DDX4: variants seen among roughly 807,000 people sequenced by gnomAD.
DDX4 encodes the protein DEAD-box helicase 4, also known as probable ATP-dependent RNA helicase DDX4.
DDX4 carries 25 observed loss-of-function variants against 100.0 expected under a neutral mutation model. The ratio of observed to expected loss-of-function variants is 0.25; its 90% CI spans 0.18 to 0.35. The LOEUF (loss-of-function observed/expected upper bound fraction) is 0.35. Ranked by LOEUF, DDX4 falls within the 10% of genes least tolerant of loss-of-function variation. The pLI, the probability that DDX4 is intolerant of heterozygous loss-of-function variation, is 1.00. For missense variants in DDX4, 635 were observed against 882.4 expected, an observed-to-expected ratio of 0.72 and a Z score of 3.55; for synonymous variants, 259 against 275.7, an observed-to-expected ratio of 0.94 and a Z score of 0.60.
At position 55,780,017 on chromosome 5, in the gene DDX4, AGAGGTAGTTTCC is replaced by A; in HGVS notation, c.454_465del (p.Ser152_Gly155del). On this transcript the variant is annotated inframe_deletion, in exon 8 of 22. Coordinates refer to ENST00000505374, the MANE Select transcript of DDX4 (RefSeq NM_024415.3). ...TTCAGGGCCATACAGAAGAGGTGGA[AGAGGTAGTTTCC>A]GAGGTTGCCGTGGAGGATTTGGTCT... The A allele has an allele frequency of 6.2e-7, 1 of 1,614,078 alleles. No individual in the cohort carries two copies.
intron 3 of DDX4, among the ~76,000 whole-genome samples, chr5:55,748,604 A>G (rs1759372310): frequency 6.6e-6 from 1 of 152,154 alleles, no homozygotes; most frequent in African/African-American, 2.4e-5. Context: ...ACCTTCTTCT[A>G]GATAACAAGT....
rs566501505 is a variant in DDX4, at chr5:55,750,110, C to T, written c.127+3889C>T. ...GTCGATTTGCTGTTGTATTTGTCTA[C>T]TTTTTTATATTAATAATTATAAACT... is the stretch of plus-strand genomic sequence containing the variant. On this transcript the variant is annotated intron_variant, in intron 3 of 21. Coordinates refer to ENST00000505374, the MANE Select transcript of DDX4 (RefSeq NM_024415.3). The T allele has an allele frequency of 2.6e-3, 400 of 153,730 alleles. 3 individuals are homozygous for T. Among genetic ancestry groups the T allele is most frequent in the African/African-American group, 9.3e-3 (385 of 41,546 alleles). The allele number at this position is 153,730 out of a possible 1,614,324, so 9.5% of individuals were successfully genotyped here.
chr5:55,779,903 T>C (rs1037696448), intron 7 of DDX4, 61 bp from the exon 8 acceptor site: 3 of 1,559,626 alleles, frequency 1.9e-6, no homozygotes, highest in Non-Finnish European at 2.6e-6. Flanking sequence ...AATTTGACCA[T>C]GTCCCCAAGA....
At chr5:55,760,418 A>G in intron 4 of DDX4, 141 bp downstream of exon 4, 1 of 836,732 alleles carries the variant, frequency 1.2e-6, no homozygotes, top group Non-Finnish European at 1.7e-6. Context: ...TGAGTTCATC[A>G]TTTTTCCAAG....
intron 6 of DDX4, among the ~76,000 whole-genome samples, chr5:55,764,699 G>A (rs762094325): frequency 2.0e-5 from 3 of 152,136 alleles, no homozygotes; most frequent in African/African-American, 7.2e-5. Flanking sequence ...ACACTTTAGG[G>A]TGCCAAACTT....
chr5:55,760,935 G>A (rs959196952), intron 4 of DDX4, among the ~76,000 whole-genome samples: 3 of 152,118 alleles, frequency 2.0e-5, no homozygotes, highest in Non-Finnish European at 4.4e-5. Context: ...TTTAGGGGAT[G>A]CCATAGCGAG....
At chr5:55,782,341 A>C in intron 10 of DDX4, 1 of 193,910 alleles carries the variant, frequency 5.2e-6, no homozygotes. Context: ...GCGGTGGCTC[A>C]TGCCTGTAAT....
chr5:55,786,747 T>C, intron 14 of DDX4, 77 bp downstream of exon 14: 3 of 1,181,736 alleles, frequency 2.5e-6, no homozygotes, highest in Non-Finnish European at 3.7e-6. Context: ...GTTTCTTCTT[T>C]TGAGTAGAAG....
chr5:55,761,890 G>A (rs1196652970), intron 4 of DDX4, among the ~76,000 whole-genome samples: 1 of 152,120 alleles, frequency 6.6e-6, no homozygotes, highest in South Asian at 2.1e-4. Context: ...GATTATAGAC[G>A]TGAGCCACCA....
At chr5:55,748,495 G>C (rs2111627192) in intron 3 of DDX4, among the ~76,000 whole-genome samples, 1 of 148,652 alleles carries the variant, frequency 6.7e-6, no homozygotes, top group Middle Eastern at 3.4e-3. Flanking sequence ...CCAACTAAAA[G>C]CTAAGTTTTT....
intron 18 of DDX4, among the ~76,000 whole-genome samples, chr5:55,803,792 T>G (rs914231383): frequency 1.3e-5 from 2 of 152,076 alleles, no homozygotes; most frequent in Non-Finnish European, 2.9e-5. Flanking sequence ...AACATACGTG[T>G]GCATGTGTCT....
At chr5:55,799,170 C>G (rs192630978) in intron 18 of DDX4, among the ~76,000 whole-genome samples, 11 of 152,132 alleles carry the variant, frequency 7.2e-5, no homozygotes, top group African/African-American at 2.7e-4. Context: ...TGGCCTCAAG[C>G]GATCCTCCCA....
In DDX4 at chr5:55,738,559, T is replaced by C. The variant is rs146826143; in HGVS notation, c.-14-391T>C. On this transcript the variant is annotated intron_variant, in intron 1 of 21. Transcript: ENST00000505374. ...AAGCAAACATCCTATCCACCTTGGA[T>C]GTTAATCATGCGAAGGGAGAAATCT... 4.3e-3 allele frequency among the ~76,000 whole-genome samples: 656 copies of C among 152,032 alleles called. 4 individuals are homozygous for C. Among genetic ancestry groups the C allele is most frequent in the African/African-American group, 0.013 (549 of 41,442 alleles).
chr5:55,815,405 A>G lies in DDX4; in HGVS notation c.2079A>G (p.Ala693=). 5.0e-6 allele frequency: 8 copies of G among 1,612,500 alleles called. No homozygotes were observed. Among genetic ancestry groups the G allele is most frequent in the South Asian group, 1.1e-5 (1 of 90,404 alleles). Residue 693 remains alanine (A), a synonymous_variant, in exon 21 of 22, where the codon GCA becomes GCG. Transcript: ENST00000505374. Reference sequence around the variant, plus strand: ...GTAGTACAAGAGGAAACGTGTTTGCATCAGTTGATACCAGAAAGGTTAGTA... The same window carrying G: ...GTAGTACAAGAGGAAACGTGTTTGCGTCAGTTGATACCAGAAAGGTTAGTA... ...FSGSTRGNVF[A]SVDTRKGKST... is the part of the protein sequence containing the mutation.
rs558434733 is a variant in DDX4 at position 55,771,804 on chromosome 5, T to C, written c.394+3864T>C. Among the ~76,000 whole-genome samples, 11 of 152,362 alleles carry C rather than the reference T, an allele frequency of 7.2e-5. 1 individual carries two copies. The highest frequency in any genetic ancestry group is 2.6e-4 in the African/African-American group (11 of 41,590). On this transcript the variant is annotated intron_variant, in intron 7 of 21. Coordinates refer to ENST00000505374, the MANE Select transcript of DDX4 (RefSeq NM_024415.3). ...GACTAATGGAATGTGGAGCACTTCT[T>C]ATGTTTATTGGCCATTTGGACATCT...
chr5:55,786,354 C>T (rs1482373612), intron 13 of DDX4, among the ~76,000 whole-genome samples, 164 bp from the exon 14 acceptor site: 1 of 152,122 alleles, frequency 6.6e-6, no homozygotes, highest in African/African-American at 2.4e-5. Context: ...TTATAATATA[C>T]AGGCTTTGAA....
At position 55,813,799 on chromosome 5, in the gene DDX4, TA is replaced by T. The variant is rs775563596; in HGVS notation, c.1715+28del. 11 of 1,544,232 alleles carry T rather than the reference TA, an allele frequency of 7.1e-6. No homozygotes were observed. The South Asian group carries it at 9.0e-5, about 13-fold the overall frequency. On this transcript the variant is annotated intron_variant, in intron 19 of 21. Transcript: ENST00000505374. ...TGAGTAGATGAATATAATTACCTAT[TA>T]GGGGAATGACTTCTATTTGGTATTT...
chr5:55,744,779 A>G (rs757760161), intron 2 of DDX4, among the ~76,000 whole-genome samples: 11 of 152,240 alleles, frequency 7.2e-5, no homozygotes, highest in Non-Finnish European at 1.6e-4. Context: ...ACAGCTGAGG[A>G]TATACCTTTT....
intron 6 of DDX4, among the ~76,000 whole-genome samples, chr5:55,765,828 G>A (rs990315631): frequency 6.6e-6 from 1 of 152,060 alleles, no homozygotes; most frequent in East Asian, 1.9e-4. Context: ...TTTTCGAGAC[G>A]GAGTCTCGCA....
Sources: allele counts gnomAD v4.1 joint callset (sites outside exome capture counted in the v4.1 genomes callset), GRCh38; gene constraint gnomAD v4.1.1; transcripts MANE v1.5; gene names NCBI Gene and HGNC (gene_info 2026-07-23, HGNC 2026-07-21).